Variants in PCDH11Y observed in about 807,000 individuals in gnomAD.
PCDH11Y encodes protocadherin 11 Y-linked, also known as protocadherin-11 Y-linked.
For missense variants in PCDH11Y, 12 were observed against 224.8 expected (o/e 0.05, Z 6.05); for synonymous variants, 9 against 83.6 (o/e 0.11, Z 4.87).
chrY:5,528,648 G>T (rs1602938549), intron 3 of PCDH11Y, among the ~76,000 whole-genome samples: 3 of 32,841 alleles, frequency 9.1e-5, no homozygotes, highest in East Asian at 1.6e-3. Context: ...TATCCTTCCT[G>T]AATGTTAAGT....
chrY:5,697,830 G>A, intron 4 of PCDH11Y, among the ~76,000 whole-genome samples: 1 of 28,809 alleles, frequency 3.5e-5, no homozygotes, highest in Non-Finnish European at 8.3e-5. Context: ...AGTTTAATAT[G>A]GTTATGTATG....
intron 2 of PCDH11Y, among the ~76,000 whole-genome samples, chrY:5,482,655 A>G: frequency 3.0e-5 from 1 of 33,317 alleles, no homozygotes; most frequent in Non-Finnish European, 7.4e-5. Context: ...ACATGAGTCT[A>G]TTGTAGACAG....
rs1270510256 is a variant in PCDH11Y at position 5,440,737 on chromosome Y, CTATA to C, written c.3130-60301_3130-60298del. On this transcript the variant is annotated intron_variant, in intron 2 of 4. Coordinates refer to the PCDH11Y transcript ENST00000400457. ...ATTATTTTCAATTATTTTTAATAAA[CTATA>C]TATATATATATATATATAGAGAGAG... Among the ~76,000 whole-genome samples, 7 of 9,588 alleles carry C rather than the reference CTATA, an allele frequency of 7.3e-4. No homozygotes were observed. In the South Asian group the frequency reaches 0.011, roughly 14 times the overall value. The allele number at this position is 9,588 out of a possible 37,273, so 25.7% of individuals were successfully genotyped here.
intron 2 of PCDH11Y, among the ~76,000 whole-genome samples, chrY:5,186,689 G>T: frequency 1.0e-4 from 3 of 28,639 alleles, no homozygotes; most frequent in Non-Finnish European, 2.5e-4. Context: ...GGGAGCTACA[G>T]TTCAAGATGA....
intron 3 of PCDH11Y, chrY:5,574,220 G>A: frequency 3.3e-6 from 1 of 299,708 alleles, no homozygotes; most frequent in Non-Finnish European, 5.0e-6. Context: ...GCCAGGCCCA[G>A]GAGTAATGAG....
intron 2 of PCDH11Y, among the ~76,000 whole-genome samples, chrY:5,255,671 C>T: frequency 3.0e-5 from 1 of 33,243 alleles, no homozygotes; most frequent in African/African-American, 1.2e-4. Flanking sequence ...TAACAGGGTA[C>T]AAGAGTTCCC....
At chrY:5,548,383 A>G in intron 3 of PCDH11Y, among the ~76,000 whole-genome samples, 4 of 33,021 alleles carry the variant, frequency 1.2e-4, no homozygotes, top group African/African-American at 4.7e-4. Flanking sequence ...AAAGAATAAA[A>G]AGGAATGGAC....
At chrY:5,234,225 A>C in intron 2 of PCDH11Y, among the ~76,000 whole-genome samples, 1 of 25,731 alleles carries the variant, frequency 3.9e-5, no homozygotes, top group Admixed American at 3.8e-4. Flanking sequence ...GATAAAAAAC[A>C]GTGACTGTTG....
At chrY:5,200,413 C>T in intron 2 of PCDH11Y, among the ~76,000 whole-genome samples, 1 of 31,975 alleles carries the variant, frequency 3.1e-5, no homozygotes. Context: ...GACTGGGAGT[C>T]ACAATCTTAT....
intron 2 of PCDH11Y, among the ~76,000 whole-genome samples, chrY:5,181,137 G>A: frequency 3.1e-5 from 1 of 32,126 alleles, no homozygotes; most frequent in Non-Finnish European, 7.6e-5. Context: ...CTTAGCCTTC[G>A]CTTGTCTGAA....
intron 3 of PCDH11Y, chrY:5,574,452 C>A: frequency 3.4e-6 from 1 of 290,296 alleles, no homozygotes; most frequent in Non-Finnish European, 5.2e-6. Flanking sequence ...GCAGGGTACC[C>A]TTTGGGGAGC....
chrY:5,109,364 A>G (rs2052800815), downstream of PCDH11Y, among the ~76,000 whole-genome samples: 1 of 33,967 alleles, frequency 2.9e-5, no homozygotes, highest in East Asian at 7.7e-4. Context: ...AGAAAATTGT[A>G]TAAAGTTTTT....
intron 4 of PCDH11Y, among the ~76,000 whole-genome samples, chrY:5,684,406 G>C (rs2053561413): frequency 3.1e-5 from 1 of 31,765 alleles, no homozygotes; most frequent in Admixed American, 2.8e-4. Flanking sequence ...TGCTTTGGAG[G>C]TTCCTCAAAA....
At chrY:5,501,297 C>T in intron 3 of PCDH11Y, 42 bp downstream of exon 4, 1 of 369,442 alleles carries the variant, frequency 2.7e-6, no homozygotes, top group Non-Finnish European at 3.9e-6. Context: ...AACGGGCTTA[C>T]TGTGTTTGCA....
chrY:5,427,406 A>AT (rs2053264552), intron 2 of PCDH11Y, among the ~76,000 whole-genome samples: 7 of 30,716 alleles, frequency 2.3e-4, no homozygotes, highest in South Asian at 7.1e-4. Flanking sequence ...AAATGTGTAC[A>AT]TTTTTTTTTT....
chrY:5,679,956 T>C, intron 4 of PCDH11Y, among the ~76,000 whole-genome samples: 1 of 27,917 alleles, frequency 3.6e-5, no homozygotes, highest in Non-Finnish European at 8.5e-5. Context: ...TTAGCCACAA[T>C]GGAAGAGAAC....
intron 2 of PCDH11Y, among the ~76,000 whole-genome samples, chrY:5,285,600 C>T (rs2053059209): frequency 3.0e-5 from 1 of 33,687 alleles, no homozygotes; most frequent in Non-Finnish European, 7.4e-5. Flanking sequence ...GCCATTCTTA[C>T]TGGCATGCAA....
chrY:5,350,683 G>A (rs2124670141), intron 2 of PCDH11Y, among the ~76,000 whole-genome samples: 1 of 32,052 alleles, frequency 3.1e-5, no homozygotes, highest in South Asian at 7.1e-4. Flanking sequence ...TCCAGCCTGG[G>A]TGACAAGAAT....
intron 2 of PCDH11Y, among the ~76,000 whole-genome samples, chrY:5,454,175 G>A: frequency 3.0e-5 from 1 of 33,468 alleles, no homozygotes; most frequent in Non-Finnish European, 7.4e-5. Context: ...AAGAGAAATC[G>A]GCCAAAGAAT....
Sources: allele counts gnomAD v4.1 joint callset (sites outside exome capture counted in the v4.1 genomes callset), GRCh38; gene constraint gnomAD v4.1.1; transcripts MANE v1.5; gene names NCBI Gene and HGNC (gene_info 2026-07-23, HGNC 2026-07-21).